The following TAFA2 variants were observed in gnomAD, a reference collection of about 807,000 sequenced individuals.
TAFA2 encodes the protein TAFA chemokine like family member 2.
TAFA2 carries 7 observed loss-of-function variants against 18.8 expected under a neutral mutation model. That is an observed-to-expected ratio of 0.37 (90% confidence interval 0.21 to 0.70). The LOEUF is 0.70. TAFA2 is among the 30% of genes least tolerant of loss of function. TAFA2 has a pLI of 0.53. For synonymous variants in TAFA2, 60 were observed against 54.2 expected (o/e 1.11, Z -0.47); for missense variants, 122 against 158.1 (o/e 0.77, Z 1.23).
Position 61,927,063 on chromosome 12 carries a change from G to A in TAFA2, c.-1-59637C>T, listed in dbSNP as rs113453048. 3.5e-4 allele frequency among the ~76,000 whole-genome samples: 37 copies of A among 104,954 alleles called. 1 individual carries two copies. Among genetic ancestry groups the A allele is most frequent in the African/African-American group, 1.4e-3 (36 of 25,984 alleles). 68.9% of individuals were successfully genotyped at this position (104,954 alleles called of 152,430 possible). On this transcript the variant is annotated intron_variant, in intron 1 of 4. Transcript: ENST00000416284. ...ATACTCCAACCTGGTGACAGAGTGAGACTCTGAAAAAAAAAAAAAAAAAAA... is the reference window on the plus strand; with the variant it reads ...ATACTCCAACCTGGTGACAGAGTGAAACTCTGAAAAAAAAAAAAAAAAAAA...
At chr12:62,203,040 T>C (rs1343635027) in intron 1 of TAFA2, among the ~76,000 whole-genome samples, 3 of 152,012 alleles carry the variant, frequency 2.0e-5, no homozygotes, top group Non-Finnish European at 4.4e-5. Context: ...TTGACCAGGC[T>C]CGTCTTGAAC....
chr12:62,210,718 G>T (rs2062709898), intron 1 of TAFA2, among the ~76,000 whole-genome samples: 1 of 152,092 alleles, frequency 6.6e-6, no homozygotes, highest in Non-Finnish European at 1.5e-5. Flanking sequence ...TTTAATGAAA[G>T]ATTTTAGTAG....
intron 1 of TAFA2, among the ~76,000 whole-genome samples, chr12:62,031,385 A>G (rs547165922): frequency 7.9e-5 from 12 of 152,266 alleles, no homozygotes; most frequent in African/African-American, 2.6e-4. Flanking sequence ...CAAGTTCTTC[A>G]GTTTTTGGGA....
chr12:61,808,536 G>A (rs1253381661), intron 2 of TAFA2, among the ~76,000 whole-genome samples: 1 of 151,390 alleles, frequency 6.6e-6, no homozygotes, highest in Non-Finnish European at 1.5e-5. Flanking sequence ...ATATGATTAG[G>A]ATTTAGATAA....
chr12:62,000,906 C>T (rs534663028), intron 1 of TAFA2, among the ~76,000 whole-genome samples: 6 of 152,250 alleles, frequency 3.9e-5, no homozygotes, highest in African/African-American at 1.2e-4. Flanking sequence ...ATAGTAATTA[C>T]CTGTGGGAGA....
rs191964885 is a variant in TAFA2 at position 61,737,657 on chromosome 12, G to C, written c.384+15965C>G. 6.6e-5 allele frequency among the ~76,000 whole-genome samples: 10 copies of C among 151,796 alleles called. No homozygotes were observed. The East Asian group carries it at 1.9e-3, about 29-fold the overall frequency. On this transcript the variant is annotated intron_variant, in intron 4 of 4. Transcript: ENST00000416284. Reference sequence around the variant, plus strand: ...CATATCTTATTACACTGCTATGAAGGTTAAGTGCAATTATGCCTCCAGCAA... The same window carrying C: ...CATATCTTATTACACTGCTATGAAGCTTAAGTGCAATTATGCCTCCAGCAA...
At chr12:61,740,762 C>A (rs1419198096) in intron 4 of TAFA2, among the ~76,000 whole-genome samples, 1 of 151,262 alleles carries the variant, frequency 6.6e-6, no homozygotes, top group Admixed American at 6.6e-5. Context: ...GGTAAAATAG[C>A]CAATGGTAAG....
chr12:61,967,279 G>T (rs79276666), intron 1 of TAFA2, among the ~76,000 whole-genome samples: 10,330 of 151,892 alleles, frequency 0.068, 465 homozygotes, highest in Non-Finnish European at 0.1. Context: ...CAGTGGGGTT[G>T]CAGAGAGGAA....
chr12:62,165,539 T>A (rs1042782039), intron 1 of TAFA2, among the ~76,000 whole-genome samples: 5 of 152,122 alleles, frequency 3.3e-5, no homozygotes, highest in African/African-American at 1.2e-4. Flanking sequence ...TGATATTATC[T>A]CAAAATTACC....
intron 1 of TAFA2, among the ~76,000 whole-genome samples, chr12:61,882,811 G>A (rs1003977145): frequency 6.6e-6 from 1 of 152,102 alleles, no homozygotes; most frequent in Non-Finnish European, 1.5e-5. Flanking sequence ...TCAAGACTTG[G>A]TCACCTGTTT....
intron 1 of TAFA2, among the ~76,000 whole-genome samples, chr12:61,895,970 T>G (rs940920065): frequency 1.3e-5 from 2 of 151,374 alleles, no homozygotes; most frequent in African/African-American, 4.9e-5. Flanking sequence ...GCCCTGTAAA[T>G]AAGGATTTCA....
chr12:61,782,444 T>C (rs1489373250), intron 2 of TAFA2, among the ~76,000 whole-genome samples: 4 of 151,754 alleles, frequency 2.6e-5, no homozygotes, highest in Non-Finnish European at 4.4e-5. Context: ...AATCTGCCCA[T>C]GACTTCCAGT....
At chr12:61,867,986 C>G (rs974511916) in intron 1 of TAFA2, among the ~76,000 whole-genome samples, 1 of 152,124 alleles carries the variant, frequency 6.6e-6, no homozygotes, top group Non-Finnish European at 1.5e-5. Flanking sequence ...AACTCCACTA[C>G]AGGTGACACA....
At chr12:61,790,263 T>C (rs1430797788) in intron 2 of TAFA2, among the ~76,000 whole-genome samples, 4 of 151,516 alleles carry the variant, frequency 2.6e-5, no homozygotes, top group Non-Finnish European at 5.9e-5. Flanking sequence ...GCTAACATCA[T>C]ACTAAATGGA....
intron 1 of TAFA2, among the ~76,000 whole-genome samples, chr12:62,100,156 C>A (rs1869129522): frequency 6.6e-6 from 1 of 151,676 alleles, no homozygotes; most frequent in Non-Finnish European, 1.5e-5. Context: ...CACACACACA[C>A]ACACACACAC....
chr12:61,836,120 T>C (rs1461384402), intron 2 of TAFA2, among the ~76,000 whole-genome samples: 1 of 151,962 alleles, frequency 6.6e-6, no homozygotes, highest in Non-Finnish European at 1.5e-5. Flanking sequence ...ACTGGTTAAA[T>C]TGTGTAGTTA....
chr12:62,255,012 T>C (rs1271474539), intron 1 of TAFA2, among the ~76,000 whole-genome samples: 1 of 152,234 alleles, frequency 6.6e-6, no homozygotes, highest in East Asian at 1.9e-4. Flanking sequence ...TACTTCACTT[T>C]GGTAGTATAG....
chr12:62,091,682 C>T (rs71465132), intron 1 of TAFA2, among the ~76,000 whole-genome samples: 28,217 of 151,836 alleles, frequency 0.19, 2,872 homozygotes, highest in East Asian at 0.39. Flanking sequence ...ATGCAATCAT[C>T]TGAAGGTCCT....
chr12:62,216,087 C>T (rs1592404983), intron 1 of TAFA2, among the ~76,000 whole-genome samples: 1 of 152,292 alleles, frequency 6.6e-6, no homozygotes, highest in East Asian at 1.9e-4. Flanking sequence ...CTTTTGGACA[C>T]AGAGTCTGAG....
Sources: gnomAD v4.1 joint callset for allele counts (sites outside exome capture counted in the v4.1 genomes callset) on GRCh38, gnomAD v4.1.1 for gene constraint, MANE v1.5 for transcripts, NCBI Gene and HGNC (gene_info 2026-07-23, HGNC 2026-07-21) for gene names.